Variants in TBC1D9 observed in about 807,000 individuals in gnomAD.
TBC1D9 encodes TBC1 domain family member 9A.
TBC1D9 carries 63 observed loss-of-function variants against 132.0 expected under a neutral mutation model. That is an observed-to-expected ratio of 0.48 (90% CI 0.39 to 0.59). The LOEUF (loss-of-function observed/expected upper bound fraction) is 0.59. Ranked by LOEUF, TBC1D9 falls within the 20% of genes least tolerant of loss-of-function variation. TBC1D9 has a pLI of 0.00. For missense variants in TBC1D9, 1,261 were observed against 1,592.7 expected (o/e 0.79, Z 3.54); for synonymous variants, 610 against 609.9 (o/e 1.00, Z 0.00).
At chr4:140,713,702 C>T (rs1738284735) in intron 1 of TBC1D9, among the ~76,000 whole-genome samples, 1 of 151,000 alleles carries the variant, frequency 6.6e-6, no homozygotes, top group South Asian at 2.1e-4. Flanking sequence ...CCACACCCTG[C>T]ACTTCAGCCT....
At chr4:140,644,686 A>AACTCCTGCAGCTGCAGGAAGTGCT (rs1284689809) in intron 13 of TBC1D9, 6 of 420,480 alleles carry the variant, frequency 1.4e-5, no homozygotes, top group Admixed American at 9.4e-5. Flanking sequence ...CAGGTACAGG[A>AACTCCTGCAGCTGCAGGAAGTGCT]ACTCCTGCAG....
At chr4:140,661,060 A>G (rs963759713) in intron 10 of TBC1D9, among the ~76,000 whole-genome samples, 96 of 152,076 alleles carry the variant, frequency 6.3e-4, no homozygotes, top group Non-Finnish European at 1.1e-3. Context: ...GACTACAGGC[A>G]CCTGCCACCA....
chr4:140,697,616 C>T (rs762885013), intron 2 of TBC1D9, among the ~76,000 whole-genome samples: 8 of 152,210 alleles, frequency 5.3e-5, no homozygotes, highest in South Asian at 2.1e-4. Context: ...GCATTCACAG[C>T]GTAGTGTTCC....
chr4:140,726,683 C>T (rs1419377599), intron 1 of TBC1D9, among the ~76,000 whole-genome samples: 2 of 152,154 alleles, frequency 1.3e-5, no homozygotes, highest in African/African-American at 4.8e-5. Flanking sequence ...ACCACATTTA[C>T]TTATTGTGCA....
intron 13 of TBC1D9, among the ~76,000 whole-genome samples, chr4:140,641,105 C>CAAAAAAAAAAAA (rs1038335139): frequency 5.0e-5 from 3 of 59,780 alleles, no homozygotes; most frequent in African/African-American, 6.1e-5. Flanking sequence ...AAAAAAAAAA[C>CAAAAAAAAAAAA]AAAAAAAAAC....
intron 1 of TBC1D9, among the ~76,000 whole-genome samples, chr4:140,729,800 CAG>C (rs1738558590): frequency 9.7e-6 from 1 of 102,570 alleles, no homozygotes; most frequent in South Asian, 3.5e-4. Context: ...AGCCTGGTGA[CAG>C]AGCAAGATTC....
chr4:140,729,818 CAAAAAAAAA>C (rs35283552), intron 1 of TBC1D9, among the ~76,000 whole-genome samples: 2 of 51,904 alleles, frequency 3.9e-5, no homozygotes, highest in South Asian at 1.4e-3. Flanking sequence ...GATTCCATCT[CAAAAAAAAA>C]AAAAAAAAAA....
chr4:140,657,460 T>C (rs1737291044), intron 12 of TBC1D9, 67 bp downstream of exon 12: 1 of 1,517,562 alleles, frequency 6.6e-7, no homozygotes, highest in African/African-American at 1.4e-5. Context: ...TTAAGACTCA[T>C]GAAATGAAGA....
intron 2 of TBC1D9, among the ~76,000 whole-genome samples, chr4:140,687,477 C>A (rs548034623): frequency 6.1e-5 from 9 of 148,146 alleles, no homozygotes; most frequent in Middle Eastern, 3.4e-3. Context: ...GATTCTCCTT[C>A]GATTTCCAAG....
At chr4:140,628,176 G>C (rs529440019) in intron 17 of TBC1D9, 124 bp downstream of exon 17, 9 of 751,926 alleles carry the variant, frequency 1.2e-5, no homozygotes, top group South Asian at 1.2e-4. Flanking sequence ...TGTTCAGTTA[G>C]TTCTTAGTGA....
rs564560963 is a variant in TBC1D9, at chr4:140,674,467, G to A, written c.1059+2427C>T. Among the ~76,000 whole-genome samples the A allele has an allele frequency of 1.2e-4, 19 of 152,120 alleles. No individual in the cohort carries two copies. In the South Asian group the frequency reaches 3.9e-3, roughly 32 times the overall value. On this transcript the variant is annotated intron_variant, in intron 6 of 20. Coordinates refer to ENST00000442267, the MANE Select transcript of TBC1D9 (RefSeq NM_015130.3). ...ATGCAACGGAAAGGTCCAACCATAG[G>A]TAACCGAATGAATAAATTATGTATA...
At chr4:140,671,418 G>A (rs1255421748) in intron 6 of TBC1D9, among the ~76,000 whole-genome samples, 1 of 152,128 alleles carries the variant, frequency 6.6e-6, no homozygotes, top group Non-Finnish European at 1.5e-5. Context: ...AAAATTTCAT[G>A]GAGCTATAAG....
intron 12 of TBC1D9, 96 bp from the exon 13 acceptor site, chr4:140,657,322 C>A (rs1244677441): frequency 6.8e-7 from 1 of 1,468,320 alleles, no homozygotes; most frequent in East Asian, 2.3e-5. Flanking sequence ...CATTTTAAAA[C>A]AAAGGACTAG....
At chr4:140,721,904 C>T (rs1277019243) in intron 1 of TBC1D9, among the ~76,000 whole-genome samples, 1 of 152,138 alleles carries the variant, frequency 6.6e-6, no homozygotes, top group East Asian at 1.9e-4. Context: ...CACATCTGCT[C>T]ATCTCGGCCT....
At chr4:140,644,666 C>A (rs949270579) in intron 13 of TBC1D9, 13 of 419,450 alleles carry the variant, frequency 3.1e-5, no homozygotes, top group African/African-American at 2.1e-4. Flanking sequence ...GCCTGGGCCG[C>A]CCGCTGCTGC....
At chr4:140,691,171 C>A (rs1343793374) in intron 2 of TBC1D9, among the ~76,000 whole-genome samples, 1 of 152,128 alleles carries the variant, frequency 6.6e-6, no homozygotes, top group Non-Finnish European at 1.5e-5. Context: ...GATGCCAATC[C>A]AGTAAAAAAT....
chr4:140,651,197 A>G (rs1737182702), intron 13 of TBC1D9, among the ~76,000 whole-genome samples: 1 of 152,236 alleles, frequency 6.6e-6, no homozygotes, highest in Admixed American at 6.5e-5. Context: ...GGCTAGGCAC[A>G]GTGGCTCATG....
chr4:140,640,629 G>GT (rs1736972464), intron 13 of TBC1D9, among the ~76,000 whole-genome samples: 1 of 152,094 alleles, frequency 6.6e-6, no homozygotes, highest in African/African-American at 2.4e-5. Flanking sequence ...ATTTCCAAGC[G>GT]TAACTTTTCC....
In TBC1D9 at chr4:140,690,136, G is replaced by T. The variant is rs188790273; in HGVS notation, c.242-3674C>A. Among the ~76,000 whole-genome samples the T allele has an allele frequency of 1.1e-4, 16 of 152,136 alleles. No homozygotes were observed. The East Asian group carries it at 3.1e-3, about 29-fold the overall frequency. Reference sequence around the variant, plus strand: ...AGAAATGGTATATGCCCATATGAATGCACTCCTTCAATAAACATCTAACTT... The same window carrying T: ...AGAAATGGTATATGCCCATATGAATTCACTCCTTCAATAAACATCTAACTT... On this transcript the variant is annotated intron_variant, in intron 2 of 20. Coordinates refer to ENST00000442267, the MANE Select transcript of TBC1D9 (RefSeq NM_015130.3).
Sources: allele counts gnomAD v4.1 joint callset (sites outside exome capture counted in the v4.1 genomes callset), GRCh38; gene constraint gnomAD v4.1.1; transcripts MANE v1.5; gene names NCBI Gene and HGNC (gene_info 2026-07-23, HGNC 2026-07-21).